The following SMARCA4 variants were observed in gnomAD, a reference collection of about 807,000 sequenced individuals.
SMARCA4 encodes SWI/SNF-related matrix-associated actin-dependent regulator of chromatin subfamily A member 4.
SMARCA4 carries 31 observed loss-of-function variants against 193.9 expected under a neutral mutation model. The observed-to-expected ratio is 0.16, with a 90% confidence interval of 0.12 to 0.22. SMARCA4 has a LOEUF of 0.22. SMARCA4 is among the 10% of genes least tolerant of loss of function. The probability of loss-of-function intolerance (pLI) is 1.00; values close to 1 mark genes in which losing one functional copy is unlikely to be tolerated. For synonymous variants in SMARCA4, 942 were observed against 933.1 expected, an observed-to-expected ratio of 1.01 and a Z score of -0.17; for missense variants, 1,148 against 2,296.0, an observed-to-expected ratio of 0.50 and a Z score of 10.22.
At chr19:11,010,118 G>A (rs1009210010) in intron 14 of SMARCA4, among the ~76,000 whole-genome samples, 1 of 152,158 alleles carries the variant, frequency 6.6e-6, no homozygotes, top group Admixed American at 6.5e-5. Flanking sequence ...GAGCCACCAC[G>A]CCCATCAGAG....
At chr19:11,018,415 A>G (rs2146349401) in intron 16 of SMARCA4, 1 of 266,346 alleles carries the variant, frequency 3.8e-6, no homozygotes, top group Non-Finnish European at 7.4e-6. Flanking sequence ...GGGAACAGCC[A>G]CGAGTTGCCG....
chr19:11,051,083 G>A (rs1207590657), intron 30 of SMARCA4, among the ~76,000 whole-genome samples: 3 of 152,354 alleles, frequency 2.0e-5, no homozygotes, highest in East Asian at 3.9e-4. Flanking sequence ...AGTTGCCCAC[G>A]CAGCCTGCGG....
intron 29 of SMARCA4, among the ~76,000 whole-genome samples, chr19:11,038,519 A>G (rs1472021292): frequency 2.0e-5 from 3 of 151,984 alleles, no homozygotes; most frequent in Admixed American, 2.0e-4. Flanking sequence ...TCAGGCTCTC[A>G]GCTTCCCATC....
intron 16 of SMARCA4, 138 bp downstream of exon 16, chr19:11,013,250 G>C (rs1317613464): frequency 2.1e-5 from 20 of 940,956 alleles, no homozygotes; most frequent in Non-Finnish European, 2.7e-5. Flanking sequence ...CAGAAGTCCA[G>C]GGTCAAGGTG....
chr19:11,010,627 C>A, intron 15 of SMARCA4, 96 bp downstream of exon 15: 2 of 1,211,622 alleles, frequency 1.7e-6, no homozygotes, highest in Non-Finnish European at 2.4e-6. Flanking sequence ...GACCTGAGTT[C>A]ACCTTTTGCT....
intron 19 of SMARCA4, among the ~76,000 whole-genome samples, chr19:11,022,291 GGCTGTAGCGT>G (rs2089933928): frequency 6.6e-6 from 1 of 152,250 alleles, no homozygotes; most frequent in African/African-American, 2.4e-5. Flanking sequence ...CACAGCTAGA[GGCTGTAGCGT>G]GCTGTAGGCC....
Position 10,986,166 on chromosome 19 carries a change from A to G in SMARCA4, c.356-23A>G, listed in dbSNP as rs370098481. On this transcript the variant is annotated intron_variant, in intron 3 of 34. Coordinates refer to ENST00000344626, the MANE Select transcript of SMARCA4 (RefSeq NM_003072.5). The surrounding 1 kb of genome is among the most constrained non-coding windows in gnomAD (Gnocchi z 6.7). ...CACAGACATATGCTGCCGAGTGACC[A>G]GTGGGCTGACCTTTCTCTGCAGGTT... The G allele has an allele frequency of 1.0e-5, 16 of 1,585,928 alleles. No homozygotes were observed. Among genetic ancestry groups the G allele is most frequent in the Non-Finnish European group, 1.3e-5 (15 of 1,154,836 alleles).
chr19:11,003,207 GTGGGCCT>G (rs1266832488), intron 12 of SMARCA4, 48 bp downstream of exon 12: 8 of 1,613,172 alleles, frequency 5.0e-6, no homozygotes, highest in Non-Finnish European at 6.8e-6. Flanking sequence ...CAAGTCCTCG[GTGGGCCT>G]TGTTCCAGGG....
chr19:11,055,782 T>C (rs908541643), intron 30 of SMARCA4, among the ~76,000 whole-genome samples: 3 of 151,500 alleles, frequency 2.0e-5, no homozygotes, highest in African/African-American at 7.3e-5. Flanking sequence ...CAAATAGAAA[T>C]GGGGTTTTGC....
chr19:11,046,294 C>T (rs947167071), intron 30 of SMARCA4, among the ~76,000 whole-genome samples: 18 of 151,786 alleles, frequency 1.2e-4, no homozygotes, highest in East Asian at 1.9e-4. Context: ...TGTTCTGTTT[C>T]GGGACATTTG....
chr19:11,002,439 A>C (rs2088117509), intron 11 of SMARCA4, among the ~76,000 whole-genome samples: 1 of 152,138 alleles, frequency 6.6e-6, no homozygotes, highest in South Asian at 2.1e-4. Flanking sequence ...ATACCGCACC[A>C]CTGCACTCCA....
chr19:10,991,190 C>T lies in SMARCA4; in HGVS notation c.1286C>T (p.Ala429Val), dbSNP rs569715577. ...GTGGTGTGCATGCGGAGGGACACAG[C>T]GCTGGAGACAGCCCTCAATGCTAAG... ...EVVVCMRRDT[A>V]LETALNAKAY... The change falls in exon 8 of 35, where the codon GCG becomes GTG. Residue 429 changes from alanine (A) to valine (V), a missense_variant. Around this residue, in one of 17 missense-constraint regions of SMARCA4, gnomAD observed 69 missense variants for 186.9 expected, o/e 0.37. Transcript: ENST00000344626. 7.4e-6 allele frequency: 12 copies of T among 1,613,764 alleles called. No individual in the cohort carries two copies. The highest frequency in any genetic ancestry group is 2.7e-5 in the African/African-American group (2 of 74,950).
chr19:11,057,718 A>G (rs1311120134), intron 30 of SMARCA4, among the ~76,000 whole-genome samples: 1 of 151,148 alleles, frequency 6.6e-6, no homozygotes, highest in African/African-American at 2.4e-5. Flanking sequence ...ACAGAACAAG[A>G]CTCTGTCTCA....
rs537860101 is a variant in SMARCA4, at chr19:11,015,375, C to T, written c.2438+2263C>T. On this transcript the variant is annotated intron_variant, in intron 16 of 34. Transcript: ENST00000344626. ...TTCCTCATTTCGTCTTTGTCCTGGT[C>T]GAGCTTGACGCTGTTGAATCCTGAT... Among the ~76,000 whole-genome samples, 6 of 152,252 alleles carry T rather than the reference C, an allele frequency of 3.9e-5. No homozygotes were observed. The East Asian group carries it at 1.2e-3, about 29-fold the overall frequency.
Position 10,996,490 on chromosome 19 carries a change from C to T in SMARCA4, c.1762-4C>T, listed in dbSNP as rs1600084648. On this transcript the variant is annotated splice_region_variant and splice_polypyrimidine_tract_variant and intron_variant, in intron 10 of 34. Transcript: ENST00000344626. The stretch of plus-strand genomic sequence containing the variant: ...GGCCTGACCGTGTCTCTCTCTATTT[C>T]CAGAAGGCAGAAAATGCAGAAGGAC... 1 of 1,614,218 alleles carries T rather than the reference C, an allele frequency of 6.2e-7. No homozygotes were observed. Among genetic ancestry groups the T allele is most frequent in the Admixed American group, 1.7e-5 (1 of 60,028 alleles).
chr19:10,995,224 C>T (rs529385534), intron 9 of SMARCA4: 32 of 665,904 alleles, frequency 4.8e-5, no homozygotes, highest in Middle Eastern at 2.4e-4. Context: ...GCCACTTAGC[C>T]GGCTCCTCTG....
chr19:10,962,595 T>C (rs2083896392), intron 1 of SMARCA4, among the ~76,000 whole-genome samples: 1 of 151,926 alleles, frequency 6.6e-6, no homozygotes, highest in Non-Finnish European at 1.5e-5. Context: ...CAGGCTGGAG[T>C]TCAGAGTCCC....
At chr19:10,970,566 G>T (rs929362659) in intron 1 of SMARCA4, among the ~76,000 whole-genome samples, 1 of 152,150 alleles carries the variant, frequency 6.6e-6, no homozygotes, top group Non-Finnish European at 1.5e-5. Flanking sequence ...ACCACTGCCA[G>T]GCTTAGCTAA....
intron 1 of SMARCA4, among the ~76,000 whole-genome samples, chr19:10,971,955 ATTTT>A (rs539620346): frequency 8.0e-6 from 1 of 125,166 alleles, no homozygotes. Flanking sequence ...CGCTTGGCTA[ATTTT>A]TTTTTTTTTT....
Sources: allele counts gnomAD v4.1 joint callset (sites outside exome capture counted in the v4.1 genomes callset), GRCh38; gene constraint gnomAD v4.1.1; regional missense constraint gnomAD v4.1.1; non-coding constraint Gnocchi (gnomAD v3.1); transcripts MANE v1.5; gene names NCBI Gene and HGNC (gene_info 2026-07-23, HGNC 2026-07-21).